The following PRKD1 variants were observed in gnomAD, a reference collection of about 807,000 sequenced individuals.
PRKD1 encodes serine/threonine-protein kinase D1.
A neutral mutation model predicts 95.9 loss-of-function variants in PRKD1; 63 were observed. That is an observed-to-expected ratio of 0.66 (90% CI 0.54 to 0.81). The LOEUF (loss-of-function observed/expected upper bound fraction) is 0.81. PRKD1 is among the 30% of genes least tolerant of loss of function. The pLI is 0.00. For missense variants in PRKD1, 1,048 were observed against 1,165.3 expected (o/e 0.90, Z 1.47); for synonymous variants, 425 against 423.1 (o/e 1.00, Z -0.05).
Position 29,842,348 on chromosome 14 carries a change from A to G in PRKD1, c.264+84901T>C, listed in dbSNP as rs552243448. ...CTATATTTTAAACAACTGGCAGTCAATGCAGCAGGCTTGTTGACACCAGCA... is the reference window on the plus strand; with the variant it reads ...CTATATTTTAAACAACTGGCAGTCAGTGCAGCAGGCTTGTTGACACCAGCA... On this transcript the variant is annotated intron_variant, in intron 1 of 17. Coordinates refer to ENST00000331968, the MANE Select transcript of PRKD1 (RefSeq NM_002742.3). Among the ~76,000 whole-genome samples the G allele has an allele frequency of 2.6e-5, 4 of 152,380 alleles. No homozygotes were observed. In the South Asian group the frequency reaches 8.3e-4, roughly 32 times the overall value.
At chr14:29,820,177 C>G (rs1890857505) in intron 1 of PRKD1, among the ~76,000 whole-genome samples, 1 of 152,200 alleles carries the variant, frequency 6.6e-6, no homozygotes. Context: ...ATTCATACCA[C>G]CAATCTAGAG....
chr14:29,861,955 A>T (rs1892726319), intron 1 of PRKD1, among the ~76,000 whole-genome samples: 1 of 152,034 alleles, frequency 6.6e-6, no homozygotes, highest in Non-Finnish European at 1.5e-5. Flanking sequence ...CCTGGCCCAA[A>T]TACTAGGTTT....
intron 1 of PRKD1, among the ~76,000 whole-genome samples, chr14:29,762,636 T>C (rs45617646): frequency 0.15 from 22,631 of 152,274 alleles, 2,001 homozygotes; most frequent in South Asian, 0.22. Flanking sequence ...TACGTGACAA[T>C]ATTTGAAATG....
At chr14:29,578,583 A>G (rs910946520) in intron 16 of PRKD1, among the ~76,000 whole-genome samples, 1 of 149,200 alleles carries the variant, frequency 6.7e-6, no homozygotes, top group African/African-American at 2.5e-5. Context: ...AAGAAGTTGG[A>G]AGTAATTATG....
intron 1 of PRKD1, among the ~76,000 whole-genome samples, chr14:29,767,243 C>T (rs762216874): frequency 9.2e-5 from 14 of 152,128 alleles, no homozygotes; most frequent in Non-Finnish European, 1.6e-4. Context: ...AACTACAATT[C>T]TGAGAGTCTC....
chr14:29,584,143 G>A (rs1294182834), intron 16 of PRKD1, among the ~76,000 whole-genome samples: 3 of 152,112 alleles, frequency 2.0e-5, no homozygotes, highest in African/African-American at 7.2e-5. Flanking sequence ...ATGAAAAGAA[G>A]CATTCCATCA....
intron 2 of PRKD1, among the ~76,000 whole-genome samples, chr14:29,685,438 A>G (rs1883802834): frequency 1.3e-5 from 2 of 152,190 alleles, no homozygotes; most frequent in African/African-American, 4.8e-5. Flanking sequence ...GAAAATCTTT[A>G]TATTGGTGAA....
intron 1 of PRKD1, among the ~76,000 whole-genome samples, chr14:29,855,917 C>T (rs912551193): frequency 2.0e-5 from 3 of 152,180 alleles, no homozygotes; most frequent in African/African-American, 7.2e-5. Context: ...CCTCTACAAC[C>T]ATGTGGAACT....
rs149099957 is a variant in PRKD1, at chr14:29,885,413, G to GA, written c.264+41835dup. ...ACATTTACGGTGTCCTACTTATCCA[G>GA]AAAATACCTATGTTTTTAACTAAGC... On this transcript the variant is annotated intron_variant, in intron 1 of 17. Coordinates refer to ENST00000331968, the MANE Select transcript of PRKD1 (RefSeq NM_002742.3). Among the ~76,000 whole-genome samples the GA allele has an allele frequency of 9.2e-3, 1,405 of 152,136 alleles. 17 individuals are homozygous for GA. Among genetic ancestry groups the GA allele is most frequent in the African/African-American group, 0.032 (1,334 of 41,526 alleles).
At chr14:29,636,169 A>G (rs933585868) in intron 7 of PRKD1, 121 bp downstream of exon 7, 24 of 1,199,766 alleles carry the variant, frequency 2.0e-5, no homozygotes, top group South Asian at 4.0e-5. Flanking sequence ...CAGTTCATTC[A>G]TATAAAAGTA....
chr14:29,679,868 C>T (rs1883439718), intron 2 of PRKD1, among the ~76,000 whole-genome samples: 1 of 151,910 alleles, frequency 6.6e-6, no homozygotes, highest in Non-Finnish European at 1.5e-5. Context: ...GCTGAGAATA[C>T]AGGCATGCAA....
At chr14:29,719,986 G>A (rs1391593882) in intron 2 of PRKD1, among the ~76,000 whole-genome samples, 1 of 152,190 alleles carries the variant, frequency 6.6e-6, no homozygotes, top group Non-Finnish European at 1.5e-5. Context: ...AAGTTCTAAA[G>A]AGACTTGCAG....
intron 1 of PRKD1, among the ~76,000 whole-genome samples, chr14:29,770,617 G>T (rs528809115): frequency 6.6e-6 from 1 of 152,154 alleles, no homozygotes; most frequent in Non-Finnish European, 1.5e-5. Context: ...CCATGTTCTG[G>T]TATTTTTGTG....
At chr14:29,719,017 A>G (rs1230150105) in intron 2 of PRKD1, among the ~76,000 whole-genome samples, 1 of 152,070 alleles carries the variant, frequency 6.6e-6, no homozygotes, top group African/African-American at 2.4e-5. Flanking sequence ...ATTATATCTA[A>G]GAGAAATTAA....
At chr14:29,902,260 CAAAA>C (rs771150427) in intron 1 of PRKD1, among the ~76,000 whole-genome samples, 1 of 121,140 alleles carries the variant, frequency 8.3e-6, no homozygotes. Flanking sequence ...ACTCCATCTC[CAAAA>C]AAAAAAAAAG....
chr14:29,648,282 T>C (rs956258827), intron 4 of PRKD1, among the ~76,000 whole-genome samples: 4 of 147,624 alleles, frequency 2.7e-5, no homozygotes, highest in African/African-American at 1.0e-4. Flanking sequence ...TGATGTTTAA[T>C]AAAGAGCACC....
intron 1 of PRKD1, among the ~76,000 whole-genome samples, chr14:29,835,597 G>A (rs1891582395): frequency 6.6e-6 from 1 of 152,008 alleles, no homozygotes; most frequent in Non-Finnish European, 1.5e-5. Context: ...TTGAGACAGA[G>A]TCTTGCTCTG....
chr14:29,612,539 G>A (rs1488691408), intron 13 of PRKD1, among the ~76,000 whole-genome samples: 1 of 152,162 alleles, frequency 6.6e-6, no homozygotes. Context: ...AAGGAAACCA[G>A]GGTGGAAAGA....
intron 7 of PRKD1, 97 bp downstream of exon 7, chr14:29,636,193 C>A (rs1216096568): frequency 7.0e-7 from 1 of 1,428,088 alleles, no homozygotes; most frequent in African/African-American, 1.4e-5. Flanking sequence ...GTGCACTTCA[C>A]ATTTCTACTA....
Sources: gnomAD v4.1 joint callset for allele counts (sites outside exome capture counted in the v4.1 genomes callset) on GRCh38, gnomAD v4.1.1 for gene constraint, MANE v1.5 for transcripts, NCBI Gene and HGNC (gene_info 2026-07-23, HGNC 2026-07-21) for gene names.